Variants in DPP6 observed in about 807,000 individuals in gnomAD.
The protein encoded by DPP6 is A-type potassium channel modulatory protein DPP6.
A neutral mutation model predicts 122.6 loss-of-function variants in DPP6; 69 were observed. The ratio of observed to expected loss-of-function variants is 0.56; its 90% confidence interval spans 0.46 to 0.69. The LOEUF (loss-of-function observed/expected upper bound fraction) is 0.69. DPP6 is among the 30% of genes least tolerant of loss of function. DPP6 has a pLI of 0.00. For missense variants in DPP6, 928 were observed against 1,116.9 expected, an observed-to-expected ratio of 0.83 and a Z score of 2.41; for synonymous variants, 418 against 433.1, an observed-to-expected ratio of 0.97 and a Z score of 0.43.
rs1205492858 is a variant in DPP6 at position 154,607,058 on chromosome 7, A to G, written c.628-30763A>G. Among the ~76,000 whole-genome samples, 4 of 121,498 alleles carry G rather than the reference A, an allele frequency of 3.3e-5. 1 individual carries two copies. The highest frequency in any genetic ancestry group is 9.2e-5 in the Admixed American group (1 of 10,912). The allele number at this position is 121,498 out of a possible 152,430, so 79.7% of individuals were successfully genotyped here. A position where few individuals can be genotyped will look rare whatever the true frequency, so the allele number is the denominator to read the frequency against. ...AGTGTGGTAGATTGCAAGTAGCTGC[A>G]TGAAATGCCACGCGATGCCAATCAT... On this transcript the variant is annotated intron_variant, in intron 5 of 25. Transcript: ENST00000377770.
the DPP6 span, among the ~76,000 whole-genome samples, chr7:153,874,252 G>GCACACACACACA: frequency 2.8e-3 from 415 of 150,194 alleles, 1 homozygote; most frequent in African/African-American, 6.7e-3. Context: ...GTGCGCACAT[G>GCACACACACACA]CACACACACA....
chr7:153,975,804 G>C (rs965182753), intron 1 of DPP6, among the ~76,000 whole-genome samples: 1 of 152,190 alleles, frequency 6.6e-6, no homozygotes, highest in Non-Finnish European at 1.5e-5. Flanking sequence ...AGACTTTGAA[G>C]TCAAAAAGCT....
chr7:154,004,278 A>G (rs1444943677), intron 1 of DPP6, among the ~76,000 whole-genome samples: 2 of 152,222 alleles, frequency 1.3e-5, no homozygotes, highest in African/African-American at 2.4e-5. Flanking sequence ...CAGCTACTGG[A>G]GGAGCAGCAC....
intron 1 of DPP6, among the ~76,000 whole-genome samples, chr7:154,188,405 A>T (rs535734407): frequency 1.1e-4 from 16 of 152,318 alleles, no homozygotes; most frequent in African/African-American, 3.1e-4. Flanking sequence ...TCTTAATAAG[A>T]CATAGTCCTT....
At chr7:154,640,465 A>ATC (rs1554419971) in intron 6 of DPP6, among the ~76,000 whole-genome samples, 84 of 137,110 alleles carry the variant, frequency 6.1e-4, no homozygotes, top group Admixed American at 2.5e-3. Context: ...CACTGAACAC[A>ATC]GCGCCCCTGA....
chr7:154,722,708 G>A (rs956846563), intron 7 of DPP6, among the ~76,000 whole-genome samples: 11 of 152,196 alleles, frequency 7.2e-5, no homozygotes, highest in Admixed American at 2.6e-4. Context: ...GGGATGGTGC[G>A]TGGACTAATC....
intron 1 of DPP6, among the ~76,000 whole-genome samples, chr7:154,035,900 A>G (rs1407892994): frequency 6.6e-6 from 1 of 151,978 alleles, no homozygotes; most frequent in Non-Finnish European, 1.5e-5. Flanking sequence ...TGGCAAACGT[A>G]AAGTACTTAA....
At chr7:154,784,756 G>A (rs780000583) in intron 10 of DPP6, among the ~76,000 whole-genome samples, 62 of 152,184 alleles carry the variant, frequency 4.1e-4, no homozygotes, top group Non-Finnish European at 6.0e-4. Flanking sequence ...GTCTGCAGCA[G>A]ATTCTGTGTG....
Position 154,696,545 on chromosome 7 carries a change from G to A in DPP6, c.762+27104G>A, listed in dbSNP as rs73167008. On this transcript the variant is annotated intron_variant, in intron 7 of 25. Coordinates refer to ENST00000377770, the MANE Select transcript of DPP6 (RefSeq NM_130797.4). The stretch of plus-strand genomic sequence containing the variant: ...TTTCTTTGACCCCACTACAGATGAA[G>A]TACATTGTTTAAGTGTTGGAGGGAG... 7.0e-3 allele frequency among the ~76,000 whole-genome samples: 1,069 copies of A among 152,344 alleles called. 7 individuals carry two copies. The highest frequency in any genetic ancestry group is 0.013 in the Non-Finnish European group (878 of 68,038).
At chr7:154,049,090 A>C (rs1358858422), upstream of DPP6, among the ~76,000 whole-genome samples, 8 of 151,298 alleles carry the variant, frequency 5.3e-5, no homozygotes, top group Non-Finnish European at 1.0e-4. Context: ...TAAACTCGAC[A>C]TTAAATAATT....
intron 1 of DPP6, among the ~76,000 whole-genome samples, chr7:154,186,001 G>A (rs1308206091): frequency 6.6e-6 from 1 of 152,170 alleles, no homozygotes; most frequent in African/African-American, 2.4e-5. Flanking sequence ...TATGACGCAT[G>A]CACAACTCTA....
chr7:154,143,947 A>T (rs1795967749), intron 1 of DPP6, among the ~76,000 whole-genome samples: 4 of 152,192 alleles, frequency 2.6e-5, no homozygotes. Context: ...TCAGAAGTAT[A>T]TATTTTTAAT....
At chr7:154,673,881 C>CTT (rs57963702) in intron 7 of DPP6, among the ~76,000 whole-genome samples, 2 of 143,702 alleles carry the variant, frequency 1.4e-5, no homozygotes, top group African/African-American at 5.1e-5. Context: ...ATGTTTCTTT[C>CTT]TTTTTTTTTT....
chr7:154,802,722 A>G (rs1798447161), intron 13 of DPP6, among the ~76,000 whole-genome samples: 1 of 152,032 alleles, frequency 6.6e-6, no homozygotes, highest in Admixed American at 6.6e-5. Context: ...CTGTAGTCCC[A>G]GCTACTTGGG....
intron 16 of DPP6, among the ~76,000 whole-genome samples, chr7:154,829,770 A>G (rs1173773271): frequency 6.6e-6 from 1 of 152,160 alleles, no homozygotes; most frequent in South Asian, 2.1e-4. Flanking sequence ...ACCACTTGCC[A>G]TAGGTAAGAT....
At position 154,202,923 on chromosome 7, in the gene DPP6, C is replaced by T. The variant is rs114869718; in HGVS notation, c.243+149860C>T. ...AGGCACAGGCATGCATACATACACACGAAGCATTTTATTTTTTTACCTGAT... is the reference window on the plus strand; with the variant it reads ...AGGCACAGGCATGCATACATACACATGAAGCATTTTATTTTTTTACCTGAT... On this transcript the variant is annotated intron_variant, in intron 1 of 25. Transcript: ENST00000377770. 3.6e-3 allele frequency among the ~76,000 whole-genome samples: 548 copies of T among 152,186 alleles called. 3 individuals are homozygous for T. The highest frequency in any genetic ancestry group is 0.013 in the African/African-American group (526 of 41,510).
intron 1 of DPP6, among the ~76,000 whole-genome samples, chr7:153,891,122 T>C (rs377351153): frequency 1.6e-4 from 24 of 146,190 alleles, no homozygotes; most frequent in African/African-American, 6.1e-4. Context: ...CCCGGGTTCA[T>C]GCCATTCTCC....
chr7:154,288,925 A>T (rs962061606), intron 1 of DPP6, among the ~76,000 whole-genome samples: 1 of 152,216 alleles, frequency 6.6e-6, no homozygotes, highest in African/African-American at 2.4e-5. Context: ...GTTTATTTTT[A>T]AAATGCCAGA....
At chr7:153,779,932 G>A in the DPP6 span, among the ~76,000 whole-genome samples, 5 of 151,904 alleles carry the variant, frequency 3.3e-5, no homozygotes, top group East Asian at 1.9e-4. Context: ...GGATATGTAC[G>A]AATTATCTCC....
Sources: allele counts gnomAD v4.1 joint callset (sites outside exome capture counted in the v4.1 genomes callset), GRCh38; gene constraint gnomAD v4.1.1; transcripts MANE v1.5; gene names NCBI Gene and HGNC (gene_info 2026-07-23, HGNC 2026-07-21).